INTS6: variants seen among roughly 807,000 people sequenced by gnomAD.
The protein encoded by INTS6 is DEAD box protein.
INTS6 carries 16 observed loss-of-function variants against 104.9 expected under a neutral mutation model. That is an observed-to-expected ratio of 0.15 (90% CI 0.10 to 0.23). INTS6 has a LOEUF of 0.23. INTS6 is among the 10% of genes least tolerant of loss of function. The pLI is 1.00. For synonymous variants in INTS6, 324 were observed against 358.7 expected (o/e 0.90, Z 1.09); for missense variants, 584 against 1,062.8 (o/e 0.55, Z 6.26).
chr13:51,431,845 C>A (rs1354839514), intron 3 of INTS6, among the ~76,000 whole-genome samples: 2 of 152,074 alleles, frequency 1.3e-5, no homozygotes, highest in Non-Finnish European at 2.9e-5. Flanking sequence ...AGGAGTCTTG[C>A]AGGGAGAAAA....
the INTS6 span, among the ~76,000 whole-genome samples, chr13:51,334,733 G>A: frequency 2.6e-5 from 4 of 152,118 alleles, no homozygotes; most frequent in South Asian, 4.1e-4. Flanking sequence ...TGTAATCCCA[G>A]CACTTTGGGA....
chr13:51,338,710 T>A, the INTS6 span, among the ~76,000 whole-genome samples: 1 of 152,220 alleles, frequency 6.6e-6, no homozygotes, highest in African/African-American at 2.4e-5. Context: ...TTTTATGTGA[T>A]GCAATTATAG....
rs1953095526 is a variant in INTS6, at chr13:51,452,829, C to T, written c.-304G>A. 1.7e-6 allele frequency: 2 copies of T among 1,167,848 alleles called. No homozygotes were observed. The highest frequency in any genetic ancestry group is 3.8e-4 in the Middle Eastern group (1 of 2,656). The allele number at this position is 1,167,848 out of a possible 1,614,324, so 72.3% of individuals were successfully genotyped here. ...GTCCCCCCCGCCTCGGGGGTCCCGT[C>T]CCCGCTCCCGGCCCCTGTGTGTGTC... On this transcript the variant is annotated 5_prime_UTR_variant, in exon 1 of 18. Coordinates refer to ENST00000311234, the MANE Select transcript of INTS6 (RefSeq NM_012141.3). The surrounding 1 kb of genome is among the most constrained non-coding windows in gnomAD (Gnocchi z 4.2).
the INTS6 span, among the ~76,000 whole-genome samples, chr13:51,345,453 G>A: frequency 6.6e-6 from 1 of 152,034 alleles, no homozygotes; most frequent in Admixed American, 6.6e-5. Flanking sequence ...AATTAGCCAG[G>A]CATGGTGGCA....
At chr13:51,374,492 G>C (rs1438797388) in intron 14 of INTS6, 53 bp from the exon 15 acceptor site, 1 of 1,558,742 alleles carries the variant, frequency 6.4e-7, no homozygotes, top group African/African-American at 1.4e-5. Context: ...TGTTTAAATG[G>C]CACAACCAGT....
At chr13:51,418,188 GT>G (rs768786498) in intron 4 of INTS6, among the ~76,000 whole-genome samples, 1 of 152,154 alleles carries the variant, frequency 6.6e-6, no homozygotes, top group Non-Finnish European at 1.5e-5. Context: ...TTCACAATCT[GT>G]TTCTAAGAAC....
chr13:51,341,262 GTCCC>G, the INTS6 span: 2 of 1,614,006 alleles, frequency 1.2e-6, no homozygotes, highest in Admixed American at 1.7e-5. Context: ...CTGCTGGTGT[GTCCC>G]TCCCCCTGGA....
At chr13:51,393,485 T>C (rs1039471491) in intron 5 of INTS6, among the ~76,000 whole-genome samples, 3 of 152,172 alleles carry the variant, frequency 2.0e-5, no homozygotes, top group African/African-American at 7.2e-5. Context: ...TTTCTGGTGT[T>C]CCCCAAAACT....
intron 2 of INTS6, 49 bp from the exon 3 acceptor site, chr13:51,451,223 T>TAC: frequency 1.4e-6 from 2 of 1,434,750 alleles, no homozygotes; most frequent in Non-Finnish European, 1.9e-6. Flanking sequence ...TAAAGCCATG[T>TAC]ACACAGAGCC....
intron 3 of INTS6, chr13:51,441,378 C>T (rs1288553564): frequency 6.6e-6 from 1 of 152,144 alleles, no homozygotes; most frequent in Admixed American, 6.5e-5. Context: ...TATCACAGTT[C>T]TGCAAGATAG....
At chr13:51,344,944 G>A in the INTS6 span, among the ~76,000 whole-genome samples, 2 of 152,128 alleles carry the variant, frequency 1.3e-5, no homozygotes, top group South Asian at 4.1e-4. Context: ...ACAATAAGAT[G>A]TTTAGCTCAG....
In INTS6 at chr13:51,382,089, T is replaced by G. The variant is rs61749885; in HGVS notation, c.1215A>C (p.Thr405=). 20,156 of 1,611,586 alleles carry G rather than the reference T, an allele frequency of 0.013. 304 individuals carry two copies. Among genetic ancestry groups the G allele is most frequent in the East Asian group, 0.066 (2,964 of 44,712 alleles). ...DLFKVHKAKP[T]LKWRQSFESY... Reference sequence around the variant, plus strand: ...TTTCAAATGACTGTCTCCACTTCAATGTTGGTTTTGCTTTATGCACTTTAA... The same window carrying G: ...TTTCAAATGACTGTCTCCACTTCAAGGTTGGTTTTGCTTTATGCACTTTAA... The change falls in exon 10 of 18, where the codon ACA becomes ACC. Residue 405 remains threonine (T), a synonymous_variant. Transcript: ENST00000311234.
chr13:51,447,520 T>G (rs553196186), intron 3 of INTS6: 18 of 152,010 alleles, frequency 1.2e-4, no homozygotes, highest in Non-Finnish European at 2.4e-4. Flanking sequence ...CTCAAAAAAT[T>G]AAGCACATAT....
At position 51,369,085 on chromosome 13, in the gene INTS6, G is replaced by T; in HGVS notation, c.2330C>A (p.Pro777Gln). The change falls in exon 16 of 18, where the codon CCA (proline) becomes CAA (glutamine). Residue 777 changes from proline (P) to glutamine (Q), a missense_variant. Physicochemically the swap from Pro to Gln is moderately conservative, Grantham distance 76. Transcript: ENST00000311234. ...VGGFLENHEEPRDKEQCAEEN... is the reference protein window; with the variant it reads ...VGGFLENHEEQRDKEQCAEEN... ...TTCAGCACATTGTTCTTTATCTCTT[G>T]GCTCCTCATGATTTTCTAAAAATCC... 1 of 1,613,630 alleles carries T rather than the reference G, an allele frequency of 6.2e-7. No homozygotes were observed. The highest frequency in any genetic ancestry group is 2.2e-5 in the East Asian group (1 of 44,846).
chr13:51,386,156 C>G (rs1399126947), intron 7 of INTS6, among the ~76,000 whole-genome samples: 2 of 152,064 alleles, frequency 1.3e-5, no homozygotes, highest in Non-Finnish European at 2.9e-5. Flanking sequence ...ATTTCCTTCT[C>G]CAATTGAAGT....
At chr13:51,381,794 C>T (rs1956054530) in intron 10 of INTS6, among the ~76,000 whole-genome samples, 1 of 150,834 alleles carries the variant, frequency 6.6e-6, no homozygotes, top group African/African-American at 2.4e-5. Context: ...CCTCTGCCTT[C>T]CGGTTTCAAG....
chr13:51,389,747 T>C (rs1019481523), intron 5 of INTS6, among the ~76,000 whole-genome samples: 5 of 152,134 alleles, frequency 3.3e-5, no homozygotes, highest in African/African-American at 1.2e-4. Flanking sequence ...GTCACATATT[T>C]TATGTTTTTT....
chr13:51,452,340 C>G lies in INTS6; in HGVS notation c.111+75G>C. The G allele has an allele frequency of 7.8e-7, 1 of 1,283,008 alleles. No individual in the cohort carries two copies. The highest frequency in any genetic ancestry group is 9.9e-7 in the Non-Finnish European group (1 of 1,012,738). The allele number at this position is 1,283,008 out of a possible 1,614,324, so 79.5% of individuals were successfully genotyped here. On this transcript the variant is annotated intron_variant, in intron 1 of 17. Transcript: ENST00000311234. This position sits in a 1 kb window ranked among gnomAD's most constrained non-coding sequence, Gnocchi z 4.2. ...CAGTCAGGTCCCCGACACCCCCGCC[C>G]CGGCCGCCCTCCCCCACCCTGCCGC...
chr13:51,365,505 TG>T lies in INTS6; in HGVS notation c.*246del, dbSNP rs778818925. 12 of 225,182 alleles carry T rather than the reference TG, an allele frequency of 5.3e-5. No homozygotes were observed. Among genetic ancestry groups the T allele is most frequent in the Non-Finnish European group, 8.0e-5 (9 of 113,128 alleles). 13.9% of individuals were successfully genotyped at this position (225,182 alleles called of 1,614,324 possible). A position where few individuals can be genotyped will look rare whatever the true frequency, so the allele number is the denominator to read the frequency against. On this transcript the variant is annotated 3_prime_UTR_variant, in exon 18 of 18. Transcript: ENST00000311234. ...AAGAGTCAATGACAAGCAAGAGATT[TG>T]GAGGAATATTTTTAGTTTGTTAAAT...
Sources: allele counts gnomAD v4.1 joint callset (sites outside exome capture counted in the v4.1 genomes callset), GRCh38; gene constraint gnomAD v4.1.1; non-coding constraint Gnocchi (gnomAD v3.1); transcripts MANE v1.5; gene names NCBI Gene and HGNC (gene_info 2026-07-23, HGNC 2026-07-21).